TENM2: variants seen among roughly 807,000 people sequenced by gnomAD.
TENM2 encodes teneurin transmembrane protein 2, also known as teneurin-2.
TENM2 carries 52 observed loss-of-function variants against 245.2 expected under a neutral mutation model. The ratio of observed to expected loss-of-function variants is 0.21; its 90% CI spans 0.17 to 0.27. The LOEUF (loss-of-function observed/expected upper bound fraction) is 0.27, where lower values mean the gene tolerates loss of function less well. Ranked by LOEUF, TENM2 falls within the 10% of genes least tolerant of loss-of-function variation. The pLI, the probability that TENM2 is intolerant of heterozygous loss-of-function variation, is 1.00. For missense variants in TENM2, 3,046 were observed against 3,666.8 expected (o/e 0.83, Z 4.37); for synonymous variants, 1,363 against 1,438.9 (o/e 0.95, Z 1.19).
chr5:168,258,572 A>G (rs969675857), intron 27 of TENM2, among the ~76,000 whole-genome samples: 1 of 152,194 alleles, frequency 6.6e-6, no homozygotes, highest in East Asian at 1.9e-4. Context: ...AGCACACTGC[A>G]TGCTCCACAA....
At chr5:168,039,726 A>G (rs1412736324) in intron 5 of TENM2, among the ~76,000 whole-genome samples, 4 of 152,088 alleles carry the variant, frequency 2.6e-5, no homozygotes, top group Non-Finnish European at 5.9e-5. Flanking sequence ...CCGCACAAGG[A>G]AAAGAAAGTG....
At chr5:168,027,438 C>A (rs1323075626) in intron 5 of TENM2, among the ~76,000 whole-genome samples, 2 of 152,204 alleles carry the variant, frequency 1.3e-5, no homozygotes. Flanking sequence ...TGCTAGCAGA[C>A]TGGAGTACAC....
At chr5:168,152,590 C>G (rs1049508209) in intron 12 of TENM2, among the ~76,000 whole-genome samples, 1 of 152,168 alleles carries the variant, frequency 6.6e-6, no homozygotes, top group Non-Finnish European at 1.5e-5. Flanking sequence ...GTCCCTATTT[C>G]CATACTGGTA....
At chr5:167,206,644 T>G in the TENM2 span, among the ~76,000 whole-genome samples, 2 of 152,286 alleles carry the variant, frequency 1.3e-5, no homozygotes, top group Admixed American at 6.5e-5. Context: ...AGTAGATGCT[T>G]CCTAATATTT....
At chr5:167,557,491 G>A (rs1195306327) in intron 2 of TENM2, among the ~76,000 whole-genome samples, 3 of 152,136 alleles carry the variant, frequency 2.0e-5, no homozygotes, top group Non-Finnish European at 4.4e-5. Context: ...TAATAACAAG[G>A]CCTAGCTCAC....
At chr5:168,109,232 C>T (rs1407605481) in intron 9 of TENM2, among the ~76,000 whole-genome samples, 1 of 152,210 alleles carries the variant, frequency 6.6e-6, no homozygotes, top group Admixed American at 6.5e-5. Context: ...GAAGCAGGAG[C>T]TTGAAGCAGG....
chr5:167,755,193 G>A (rs1261548488), intron 2 of TENM2: 6 of 1,597,972 alleles, frequency 3.8e-6, no homozygotes, highest in East Asian at 4.5e-5. Context: ...GAGTCTCTGG[G>A]TAAGGATGAT....
intron 4 of TENM2, among the ~76,000 whole-genome samples, chr5:167,967,255 C>G (rs182167855): frequency 1.3e-5 from 2 of 152,076 alleles, no homozygotes; most frequent in African/African-American, 4.8e-5. Flanking sequence ...GCACCTCATC[C>G]CCCACATCAC....
At chr5:168,229,771 T>TAAGTC (rs1051808200) in intron 25 of TENM2, 7 of 152,208 alleles carry the variant, frequency 4.6e-5, no homozygotes, top group African/African-American at 1.2e-4. Flanking sequence ...GGCTGAAGTT[T>TAAGTC]AAGTCAAGTC....
the TENM2 span, among the ~76,000 whole-genome samples, chr5:167,124,307 C>T: frequency 6.6e-6 from 1 of 152,174 alleles, no homozygotes; most frequent in East Asian, 1.9e-4. Context: ...CCTGGTCCAT[C>T]TTCCTAATAT....
intron 2 of TENM2, among the ~76,000 whole-genome samples, chr5:167,731,764 C>T (rs1377712185): frequency 6.7e-6 from 1 of 148,594 alleles, no homozygotes; most frequent in African/African-American, 2.5e-5. Flanking sequence ...CAGACTACTG[C>T]ATGTAGTTTT....
At position 168,218,880 on chromosome 5, in the gene TENM2, C is replaced by G; in HGVS notation, c.4989C>G (p.Thr1663=). 6.2e-7 allele frequency: 1 copy of G among 1,613,956 alleles called. No homozygotes were observed. Among genetic ancestry groups the G allele is most frequent in the East Asian group, 2.2e-5 (1 of 44,884 alleles). The change falls in exon 23 of 29, where the codon ACC becomes ACG. Residue 1663 remains threonine, a synonymous_variant. Coordinates refer to ENST00000518659, the Ensembl canonical transcript of TENM2. This position sits in a 1 kb window ranked among gnomAD's most constrained non-coding sequence, Gnocchi z 5.2. ...AGATCATCACCCTCACCGTGGGCAC[C>G]AATGGAGGCCTCAAAGTCGTGTCCA...
At chr5:167,174,244 C>A in the TENM2 span, among the ~76,000 whole-genome samples, 1 of 151,976 alleles carries the variant, frequency 6.6e-6, no homozygotes, top group African/African-American at 2.4e-5. Context: ...TACATCTAAA[C>A]ACCCACAAAT....
At chr5:167,130,587 C>T in the TENM2 span, among the ~76,000 whole-genome samples, 1 of 152,294 alleles carries the variant, frequency 6.6e-6, no homozygotes, top group East Asian at 1.9e-4. Context: ...TTCAGTTTCC[C>T]ATCCGAAGAG....
At chr5:168,210,737 G>T (rs958612276) in intron 19 of TENM2, among the ~76,000 whole-genome samples, 1 of 152,060 alleles carries the variant, frequency 6.6e-6, no homozygotes, top group African/African-American at 2.4e-5. Context: ...AGAAATCAGG[G>T]CATTAAACTC....
chr5:167,534,389 G>T (rs1256200970), intron 2 of TENM2, among the ~76,000 whole-genome samples: 3 of 152,170 alleles, frequency 2.0e-5, no homozygotes, highest in Non-Finnish European at 4.4e-5. Flanking sequence ...CCAAAAGAAG[G>T]CTGGGGCCCT....
intron 2 of TENM2, among the ~76,000 whole-genome samples, chr5:167,578,008 G>A (rs980110436): frequency 7.2e-5 from 11 of 152,186 alleles, no homozygotes; most frequent in Non-Finnish European, 1.6e-4. Context: ...CAAAATCAGC[G>A]TGGGCACAGG....
chr5:167,364,030 C>T (rs1759887444), intron 1 of TENM2, among the ~76,000 whole-genome samples: 1 of 151,776 alleles, frequency 6.6e-6, no homozygotes, highest in African/African-American at 2.4e-5. Flanking sequence ...AAGAAATCAG[C>T]AACAGACTGC....
At chr5:167,296,467 C>T (rs548919065) in intron 1 of TENM2, 25 of 151,692 alleles carry the variant, frequency 1.6e-4, no homozygotes, top group South Asian at 6.2e-4. Context: ...GTAGTTCCAG[C>T]GAGTTAAGTT....
Sources: gnomAD v4.1 joint callset for allele counts (sites outside exome capture counted in the v4.1 genomes callset) on GRCh38, gnomAD v4.1.1 for gene constraint, Gnocchi (gnomAD v3.1) non-coding constraint, MANE v1.5 for transcripts, NCBI Gene and HGNC (gene_info 2026-07-23, HGNC 2026-07-21) for gene names.